TCERG1: variants seen among roughly 807,000 people sequenced by gnomAD.
TCERG1 encodes the protein TATA box binding protein (TBP)-associated factor, RNA polymerase II, S, 150kD.
In TCERG1, 37 loss-of-function variants were observed where a neutral mutation model predicts 144.7. The observed-to-expected ratio is 0.26, with a 90% CI of 0.20 to 0.34. The LOEUF is 0.34. TCERG1 is among the 10% of genes least tolerant of loss of function. The pLI, the probability that TCERG1 is intolerant of heterozygous loss-of-function variation, is 1.00. For synonymous variants in TCERG1, 492 were observed against 458.2 expected (o/e 1.07, Z -0.94); for missense variants, 1,027 against 1,380.7 (o/e 0.74, Z 4.06).
At chr5:146,510,015 C>G in intron 22 of TCERG1, 1 of 1,279,598 alleles carries the variant, frequency 7.8e-7, no homozygotes, top group Non-Finnish European at 1.0e-6. Flanking sequence ...TTTGCATCAG[C>G]TTGGGCTTTT....
intron 17 of TCERG1, 56 bp from the exon 18 acceptor site, chr5:146,503,319 A>C: frequency 2.6e-6 from 4 of 1,521,126 alleles, no homozygotes; most frequent in Non-Finnish European, 3.6e-6. Flanking sequence ...AGATATGATG[A>C]ATTTCTCATG....
chr5:146,447,975 T>A (rs1762036151), intron 1 of TCERG1, among the ~76,000 whole-genome samples: 1 of 152,256 alleles, frequency 6.6e-6, no homozygotes, highest in South Asian at 2.1e-4. Context: ...TTCCTTATTA[T>A]CCTGTAGTTG....
chr5:146,507,379 A>T lies in TCERG1; in HGVS notation c.2961+172A>T, dbSNP rs1164897789. The T allele has an allele frequency of 3.3e-6, 2 of 608,898 alleles. No individual in the cohort carries two copies. Among genetic ancestry groups the T allele is most frequent in the Non-Finnish European group, 5.2e-6 (2 of 382,804 alleles). The allele number at this position is 608,898 out of a possible 1,614,324, so 37.7% of individuals were successfully genotyped here. ...TTATGGTATTCTTATTTATTTAGAA[A>T]TGCCTATTCTTTGCAGTTTTCACAT... is the stretch of plus-strand genomic sequence containing the variant. On this transcript the variant is annotated intron_variant, in intron 20 of 22. Transcript: ENST00000679501. This position sits in a 1 kb window ranked among gnomAD's most constrained non-coding sequence, Gnocchi z 4.6.
rs200139602 is a variant in TCERG1 at position 146,463,689 on chromosome 5, T to C, written c.1031T>C (p.Val344Ala). The change falls in exon 5 of 23, where the codon GTT becomes GCT. Residue 344 changes from valine (V) to alanine (A), a missense_variant. Val to Ala is a moderately conservative substitution (Grantham distance 64). Coordinates refer to ENST00000679501, the MANE Select transcript of TCERG1 (RefSeq NM_001382548.1). ...CACCCTCAGACGTTACCTCCTGCTG[T>C]TCCTCATTCAGTACCTCAGCCAACA... ...QPHPQTLPPAVPHSVPQPTTA... is the reference protein window; with the variant it reads ...QPHPQTLPPAAPHSVPQPTTA... The C allele has an allele frequency of 1.2e-6, 2 of 1,614,218 alleles. No homozygotes were observed. Among genetic ancestry groups the C allele is most frequent in the Non-Finnish European group, 1.7e-6 (2 of 1,180,030 alleles).
chr5:146,467,089 A>G (rs79716318), intron 5 of TCERG1, among the ~76,000 whole-genome samples: 7 of 152,282 alleles, frequency 4.6e-5, no homozygotes, highest in South Asian at 2.1e-4. Flanking sequence ...TCATGATCCA[A>G]TGTTTTTATT....
Position 146,503,478 on chromosome 5 carries a change from C to CAGT in TCERG1, c.2540_2542dup (p.Val847dup). On this transcript the variant is annotated inframe_insertion, in exon 18 of 23. Transcript: ENST00000679501. ...GTAGAAAGTGATCCACGTTACAAAGCAGTAGATAGTTCATCAATGAGAGAA... is the reference window on the plus strand; with the variant it reads ...GTAGAAAGTGATCCACGTTACAAAGCAGTAGTAGATAGTTCATCAATGAGAGAA... The CAGT allele has an allele frequency of 1.2e-6, 2 of 1,613,908 alleles. No individual in the cohort carries two copies. The highest frequency in any genetic ancestry group is 1.7e-6 in the Non-Finnish European group (2 of 1,179,914).
intron 16 of TCERG1, among the ~76,000 whole-genome samples, chr5:146,497,044 T>C (rs1391902396): frequency 1.3e-5 from 2 of 151,928 alleles, no homozygotes; most frequent in Non-Finnish European, 2.9e-5. Flanking sequence ...ATTTTTTTTG[T>C]ATTTTTAATA....
At chr5:146,476,709 GTCC>G (rs1764873421) in intron 9 of TCERG1, among the ~76,000 whole-genome samples, 1 of 152,124 alleles carries the variant, frequency 6.6e-6, no homozygotes, top group Non-Finnish European at 1.5e-5. Context: ...GAGCTTCGTG[GTCC>G]TCATTAATTT....
At chr5:146,453,918 C>T (rs1209872334) in intron 1 of TCERG1, among the ~76,000 whole-genome samples, 1 of 151,948 alleles carries the variant, frequency 6.6e-6, no homozygotes, top group Non-Finnish European at 1.5e-5. Context: ...TTCCTTCCGG[C>T]CAGGCGCTGT....
intron 14 of TCERG1, 104 bp from the exon 15 acceptor site, chr5:146,483,436 A>C: frequency 2.0e-6 from 2 of 978,978 alleles, no homozygotes; most frequent in Non-Finnish European, 3.0e-6. Flanking sequence ...GTATGGTTTT[A>C]TGTCTCCTTT....
At chr5:146,459,742 G>C (rs1416015225) in intron 4 of TCERG1, among the ~76,000 whole-genome samples, 1 of 152,196 alleles carries the variant, frequency 6.6e-6, no homozygotes, top group East Asian at 1.9e-4. Flanking sequence ...AAAGATGTAA[G>C]AATTTGAGAA....
At chr5:146,509,970 T>G in intron 22 of TCERG1, 1 of 1,114,366 alleles carries the variant, frequency 9.0e-7, no homozygotes, top group Non-Finnish European at 1.2e-6. Context: ...TTAGATATTT[T>G]GTCATTTGGA....
At chr5:146,458,743 T>C in intron 3 of TCERG1, 141 bp from the exon 4 acceptor site, 2 of 1,221,916 alleles carry the variant, frequency 1.6e-6, no homozygotes, top group African/African-American at 1.5e-5. Flanking sequence ...CCTCCCAAAG[T>C]GCTGGGATTA....
intron 15 of TCERG1, among the ~76,000 whole-genome samples, chr5:146,487,354 T>G (rs1765938187): frequency 6.6e-6 from 1 of 152,030 alleles, no homozygotes; most frequent in African/African-American, 2.4e-5. Flanking sequence ...ATCAGAATAA[T>G]TAATATTGTT....
rs966016686 is a variant in TCERG1, at chr5:146,507,357, T to C, written c.2961+150T>C. 8.4e-6 allele frequency: 6 copies of C among 713,226 alleles called. No individual in the cohort carries two copies. The highest frequency in any genetic ancestry group is 7.4e-5 in the African/African-American group (4 of 54,020). 44.2% of individuals were successfully genotyped at this position (713,226 alleles called of 1,614,324 possible). On this transcript the variant is annotated intron_variant, in intron 20 of 22. Transcript: ENST00000679501. This position sits in a 1 kb window ranked among gnomAD's most constrained non-coding sequence, Gnocchi z 4.6. Reference sequence around the variant, plus strand: ...ACAATTCTCTGATTTTAAAAAATTATGGTATTCTTATTTATTTAGAAATGC... The same window carrying C: ...ACAATTCTCTGATTTTAAAAAATTACGGTATTCTTATTTATTTAGAAATGC...
At chr5:146,496,955 C>T (rs1766977075) in intron 16 of TCERG1, among the ~76,000 whole-genome samples, 1 of 146,202 alleles carries the variant, frequency 6.8e-6, no homozygotes, top group African/African-American at 2.6e-5. Context: ...CTCACTGGAA[C>T]CTCTGCCTCC....
rs760605117 is a variant in TCERG1 at position 146,463,721 on chromosome 5, A to G, written c.1063A>G (p.Ile355Val). 12 of 1,614,076 alleles carry G rather than the reference A, an allele frequency of 7.4e-6. No homozygotes were observed. In the Admixed American group the frequency reaches 1.0e-4, roughly 13 times the overall value. The change falls in exon 5 of 23, where the codon ATA (isoleucine) becomes GTA (valine). Residue 355 changes from isoleucine to valine, a missense_variant. This residue lies in a region of TCERG1 where 187 missense variants were observed against 169.1 expected (regional missense o/e 1.11). Transcript: ENST00000679501. The stretch of plus-strand genomic sequence containing the variant: ...TTCAGTACCTCAGCCAACAACAGCA[A>G]TACCTGCTTTTCCACCAGTAATGGT... ...PHSVPQPTTAIPAFPPVMVPP... is the reference protein window; with the variant it reads ...PHSVPQPTTAVPAFPPVMVPP...
chr5:146,473,814 T>C (rs966983901), intron 9 of TCERG1, among the ~76,000 whole-genome samples: 2 of 152,192 alleles, frequency 1.3e-5, no homozygotes. Context: ...TTTGTTTTTT[T>C]CCTCAAAATA....
chr5:146,487,462 T>A lies in TCERG1; in HGVS notation c.2163+3833T>A, dbSNP rs79599471. On this transcript the variant is annotated intron_variant, in intron 15 of 22. Coordinates refer to ENST00000679501, the MANE Select transcript of TCERG1 (RefSeq NM_001382548.1). Reference sequence around the variant, plus strand: ...ACAGAATGTCACTGGAAGAAAAAAATCTGGATAGGCAAGGTGGCTCACGCC... The same window carrying A: ...ACAGAATGTCACTGGAAGAAAAAAAACTGGATAGGCAAGGTGGCTCACGCC... Among the ~76,000 whole-genome samples, 1,112 of 152,080 alleles carry A rather than the reference T, an allele frequency of 7.3e-3. 19 individuals are homozygous for A. The highest frequency in any genetic ancestry group is 0.025 in the African/African-American group (1,039 of 41,498).
Sources: allele counts gnomAD v4.1 joint callset (sites outside exome capture counted in the v4.1 genomes callset), GRCh38; gene constraint gnomAD v4.1.1; regional missense constraint gnomAD v4.1.1; non-coding constraint Gnocchi (gnomAD v3.1); transcripts MANE v1.5; gene names NCBI Gene and HGNC (gene_info 2026-07-23, HGNC 2026-07-21).